Variants in CRPPA observed in about 807,000 individuals in gnomAD.
CRPPA encodes CDP-L-ribitol pyrophosphorylase A.
In CRPPA, 43 loss-of-function variants were observed where a neutral mutation model predicts 52.0. The ratio of observed to expected loss-of-function variants is 0.83; its 90% CI spans 0.65 to 1.07. CRPPA has a LOEUF of 1.07. Ranked by LOEUF, CRPPA falls within the 50% of genes least tolerant of loss-of-function variation. CRPPA has a pLI of 0.00. For synonymous variants in CRPPA, 250 were observed against 203.5 expected, an observed-to-expected ratio of 1.23 and a Z score of -1.94; for missense variants, 629 against 551.7, an observed-to-expected ratio of 1.14 and a Z score of -1.40.
At chr7:16,327,034 T>C (rs190200042) in intron 3 of CRPPA, among the ~76,000 whole-genome samples, 119 of 152,212 alleles carry the variant, frequency 7.8e-4, no homozygotes, top group African/African-American at 2.7e-3. Flanking sequence ...GTGTCTGGAG[T>C]AAGACATGCT....
intron 3 of CRPPA, among the ~76,000 whole-genome samples, chr7:16,355,970 T>C (rs557076359): frequency 6.6e-6 from 1 of 152,232 alleles, no homozygotes; most frequent in South Asian, 2.1e-4. Context: ...ATTTGATCGG[T>C]GATAGTAGTG....
At chr7:16,215,951 C>A (rs1307108476) in intron 9 of CRPPA, 115 bp downstream of exon 9, 15 of 838,474 alleles carry the variant, frequency 1.8e-5, no homozygotes, top group Non-Finnish European at 2.6e-5. Flanking sequence ...AGATGAGTAA[C>A]TTTCCAGCTG....
chr7:16,208,558 C>G (rs1275024288), intron 9 of CRPPA, among the ~76,000 whole-genome samples: 1 of 152,156 alleles, frequency 6.6e-6, no homozygotes, highest in Non-Finnish European at 1.5e-5. Context: ...ACAGAAGCTG[C>G]CCTGCACCAG....
intron 9 of CRPPA, among the ~76,000 whole-genome samples, chr7:16,177,115 A>T (rs1243720356): frequency 6.6e-6 from 1 of 152,152 alleles, no homozygotes; most frequent in Non-Finnish European, 1.5e-5. Flanking sequence ...CTATAATGAC[A>T]GAAGAGAAAT....
intron 8 of CRPPA, among the ~76,000 whole-genome samples, chr7:16,237,739 G>A (rs1434754532): frequency 2.0e-5 from 3 of 152,202 alleles, no homozygotes; most frequent in African/African-American, 7.2e-5. Context: ...AGGCAGTGCT[G>A]CTTTATAGAC....
intron 3 of CRPPA, among the ~76,000 whole-genome samples, chr7:16,365,338 C>T (rs1485913098): frequency 1.3e-5 from 2 of 152,134 alleles, no homozygotes; most frequent in Non-Finnish European, 2.9e-5. Flanking sequence ...GATATGTCCC[C>T]ATGTGATGAA....
intron 2 of CRPPA, among the ~76,000 whole-genome samples, chr7:16,380,330 G>A (rs1477340612): frequency 1.3e-5 from 2 of 151,820 alleles, no homozygotes; most frequent in Non-Finnish European, 2.9e-5. Context: ...TTGCATCCCA[G>A]GGATGAAGCC....
At chr7:16,304,888 C>A (rs1784874540) in intron 4 of CRPPA, among the ~76,000 whole-genome samples, 1 of 152,140 alleles carries the variant, frequency 6.6e-6, no homozygotes, top group Non-Finnish European at 1.5e-5. Flanking sequence ...TCAATTATGT[C>A]CAAATATGTC....
chr7:16,139,058 T>C (rs1782815960), intron 9 of CRPPA, among the ~76,000 whole-genome samples: 1 of 152,080 alleles, frequency 6.6e-6, no homozygotes, highest in African/African-American at 2.4e-5. Flanking sequence ...CACCTCAGCC[T>C]CCCAAAGTGC....
intron 5 of CRPPA, 84 bp downstream of exon 5, chr7:16,301,337 C>T (rs1784785898): frequency 9.1e-7 from 1 of 1,104,794 alleles, no homozygotes; most frequent in Non-Finnish European, 1.4e-6. Context: ...TTTGAGATTG[C>T]TGGGATTTAA....
rs1781757400 is a variant in CRPPA at position 16,088,983 on chromosome 7, G to T, written c.*2712C>A. On this transcript the variant is annotated 3_prime_UTR_variant, in exon 10 of 10. Coordinates refer to ENST00000407010, the MANE Select transcript of CRPPA (RefSeq NM_001101426.4). ...TTTGCCAGGGGTCATTGTTAGACAG[G>T]AATATAAGCTTAACACTTATTATCA... is the stretch of plus-strand genomic sequence containing the variant. The T allele has an allele frequency of 4.7e-6, 1 of 215,014 alleles. No homozygotes were observed. Among genetic ancestry groups the T allele is most frequent in the East Asian group, 8.9e-5 (1 of 11,194 alleles). 13.3% of individuals were successfully genotyped at this position (215,014 alleles called of 1,614,324 possible).
chr7:16,172,992 T>C (rs1234484422), intron 9 of CRPPA, among the ~76,000 whole-genome samples: 1 of 152,242 alleles, frequency 6.6e-6, no homozygotes, highest in Non-Finnish European at 1.5e-5. Context: ...GTTTTATCAC[T>C]ACAATTTTAA....
At chr7:16,279,537 C>T (rs1388370147) in intron 5 of CRPPA, among the ~76,000 whole-genome samples, 2 of 152,094 alleles carry the variant, frequency 1.3e-5, no homozygotes, top group African/African-American at 2.4e-5. Flanking sequence ...TTCTAAGTTA[C>T]GTGGTGCTAA....
intron 8 of CRPPA, among the ~76,000 whole-genome samples, chr7:16,228,811 T>C (rs1439064067): frequency 6.6e-6 from 1 of 151,992 alleles, no homozygotes; most frequent in African/African-American, 2.4e-5. Flanking sequence ...GTCTGTTATG[T>C]CTATTTGATC....
chr7:16,149,842 C>T (rs1406911807), intron 9 of CRPPA, among the ~76,000 whole-genome samples: 3 of 151,866 alleles, frequency 2.0e-5, no homozygotes, highest in East Asian at 3.9e-4. Context: ...AAATATTAGC[C>T]GAGCGTGGCA....
At position 16,088,773 on chromosome 7, in the gene CRPPA, C is replaced by G. The variant is rs572237406; in HGVS notation, c.*2922G>C. 6.2e-6 allele frequency: 1 copy of G among 160,526 alleles called. No individual in the cohort carries two copies. The highest frequency in any genetic ancestry group is 1.4e-5 in the Non-Finnish European group (1 of 72,080). 9.9% of individuals were successfully genotyped at this position (160,526 alleles called of 1,614,324 possible). The stretch of plus-strand genomic sequence containing the variant: ...TTTGGCCAATACTTCTATTCATTCC[C>G]TTAACTTTAGCTACAATTTCTTTAT... On this transcript the variant is annotated 3_prime_UTR_variant, in exon 10 of 10. Coordinates refer to ENST00000407010, the MANE Select transcript of CRPPA (RefSeq NM_001101426.4).
intron 9 of CRPPA, among the ~76,000 whole-genome samples, chr7:16,158,074 C>T (rs1043248494): frequency 2.7e-5 from 4 of 148,320 alleles, no homozygotes; most frequent in East Asian, 2.0e-4. Context: ...TTAGTAGAGA[C>T]GGGGTTTCAC....
chr7:16,109,927 A>G (rs759576221), intron 9 of CRPPA, among the ~76,000 whole-genome samples: 16 of 152,222 alleles, frequency 1.1e-4, no homozygotes, highest in Admixed American at 2.0e-4. Context: ...TCTATTTTAT[A>G]GAATATTGGA....
At position 16,169,819 on chromosome 7, in the gene CRPPA, T is replaced by TA. The variant is rs773863165; in HGVS notation, c.1251+46246dup. 4.0e-4 allele frequency among the ~76,000 whole-genome samples: 61 copies of TA among 152,270 alleles called. 1 individual carries two copies. The highest frequency in any genetic ancestry group is 2.9e-3 in the South Asian group (14 of 4,822). On this transcript the variant is annotated intron_variant, in intron 9 of 9. Coordinates refer to ENST00000407010, the MANE Select transcript of CRPPA (RefSeq NM_001101426.4). ...TCCAACAACAGTTGTTTTGACTACT[T>TA]AGACAATGGAAAACAATTCCCCTTA...
Sources: allele counts gnomAD v4.1 joint callset (sites outside exome capture counted in the v4.1 genomes callset), GRCh38; gene constraint gnomAD v4.1.1; transcripts MANE v1.5; gene names NCBI Gene and HGNC (gene_info 2026-07-23, HGNC 2026-07-21).